The following KIFAP3 variants were observed in gnomAD, a reference collection of about 807,000 sequenced individuals.
KIFAP3 encodes kinesin-associated protein 3.
Under a neutral mutation model 106.5 loss-of-function variants are expected in KIFAP3, and 68 were observed. The ratio of observed to expected loss-of-function variants is 0.64; its 90% CI spans 0.53 to 0.78. The LOEUF (loss-of-function observed/expected upper bound fraction) is 0.78, where lower values mean the gene tolerates loss of function less well. Ranked by LOEUF, KIFAP3 falls within the 30% of genes least tolerant of loss-of-function variation. The pLI is 0.00. For missense variants in KIFAP3, 780 were observed against 941.8 expected (o/e 0.83, Z 2.25); for synonymous variants, 320 against 311.5 (o/e 1.03, Z -0.29).
chr1:170,009,054 T>C (rs1236341074), intron 10 of KIFAP3, among the ~76,000 whole-genome samples: 1 of 151,900 alleles, frequency 6.6e-6, no homozygotes, highest in East Asian at 1.9e-4. Context: ...CACTCATAAG[T>C]GGGAGGTGAA....
At chr1:169,949,019 T>C (rs868687988) in intron 19 of KIFAP3, among the ~76,000 whole-genome samples, 3 of 151,936 alleles carry the variant, frequency 2.0e-5, no homozygotes, top group Non-Finnish European at 4.4e-5. Context: ...AATTCTAGAA[T>C]TAAAAAATCA....
At chr1:169,949,472 C>G (rs1424953395) in intron 19 of KIFAP3, among the ~76,000 whole-genome samples, 1 of 151,776 alleles carries the variant, frequency 6.6e-6, no homozygotes, top group Non-Finnish European at 1.5e-5. Flanking sequence ...AATTGGATTC[C>G]TATAAAAGAA....
intron 7 of KIFAP3, among the ~76,000 whole-genome samples, chr1:170,033,350 C>T (rs1373341772): frequency 6.6e-6 from 1 of 151,162 alleles, no homozygotes; most frequent in Non-Finnish European, 1.5e-5. Context: ...TTCCAGAGGC[C>T]AAAATTAATA....
At chr1:169,963,643 C>T (rs554377622) in intron 17 of KIFAP3, among the ~76,000 whole-genome samples, 1 of 152,148 alleles carries the variant, frequency 6.6e-6, no homozygotes, top group South Asian at 2.1e-4. Flanking sequence ...CAGGTGCCTG[C>T]CACCACCACC....
At chr1:170,050,703 A>G (rs1401062781) in intron 2 of KIFAP3, among the ~76,000 whole-genome samples, 1 of 152,350 alleles carries the variant, frequency 6.6e-6, no homozygotes, top group South Asian at 2.1e-4. Context: ...AATTTTAAGG[A>G]AAATAATTTT....
chr1:170,020,449 C>T (rs1263843909), intron 9 of KIFAP3, among the ~76,000 whole-genome samples: 1 of 151,848 alleles, frequency 6.6e-6, no homozygotes, highest in Non-Finnish European at 1.5e-5. Flanking sequence ...ACATATATGG[C>T]CAAATTTTCT....
chr1:169,933,097 C>G (rs1663583744), intron 19 of KIFAP3, among the ~76,000 whole-genome samples: 1 of 151,914 alleles, frequency 6.6e-6, no homozygotes, highest in Admixed American at 6.6e-5. Context: ...TCTTTTTAAA[C>G]AGCTAAGCAT....
chr1:169,922,731 A>C lies in KIFAP3; in HGVS notation c.2274-950T>G, dbSNP rs938514275. ...TGCTAGTGAGCTTGACTTCCAATCA[A>C]TGGACACCATTTGTAATGCAGAAAT... On this transcript the variant is annotated intron_variant, in intron 19 of 19. Transcript: ENST00000361580. Among the ~76,000 whole-genome samples the C allele has an allele frequency of 2.6e-5, 4 of 152,340 alleles. No homozygotes were observed. The East Asian group carries it at 7.7e-4, about 29-fold the overall frequency.
intron 19 of KIFAP3, among the ~76,000 whole-genome samples, chr1:169,923,591 T>C (rs1157028604): frequency 2.0e-5 from 3 of 152,228 alleles, no homozygotes; most frequent in African/African-American, 7.2e-5. Context: ...GCAGTAGACT[T>C]AGGTTAAACT....
intron 10 of KIFAP3, among the ~76,000 whole-genome samples, chr1:169,999,495 A>G (rs560888807): frequency 6.6e-6 from 1 of 152,358 alleles, no homozygotes; most frequent in South Asian, 2.1e-4. Flanking sequence ...GAAAAGACTG[A>G]GTATCTTGAG....
intron 3 of KIFAP3, among the ~76,000 whole-genome samples, chr1:170,043,707 AG>A (rs1315701857): frequency 6.6e-6 from 1 of 152,212 alleles, no homozygotes; most frequent in Admixed American, 6.5e-5. Context: ...TAATGAATGA[AG>A]AAAACATTGA....
In KIFAP3 at chr1:169,983,286, G is replaced by T. The variant is rs764009762; in HGVS notation, c.1490C>A (p.Thr497Asn). Reference protein sequence around the residue: ...IRNISQHDGPTKNLFIDYVGD... With the variant: ...IRNISQHDGPNKNLFIDYVGD... ...GATACTTACAATAAACAGATTTTTA[G>T]TTGGTCCATCATGCTGAGAAATGTT... The change falls in exon 13 of 20, where the codon ACT becomes AAT. Residue 497 changes from threonine (T) to asparagine (N), a missense_variant. Physicochemically the swap from Thr to Asn is moderately conservative, Grantham distance 65 (BLOSUM62 0). Coordinates refer to ENST00000361580, the MANE Select transcript of KIFAP3 (RefSeq NM_014970.4). 6.3e-7 allele frequency: 1 copy of T among 1,596,850 alleles called. No homozygotes were observed. Among genetic ancestry groups the T allele is most frequent in the Non-Finnish European group, 8.6e-7 (1 of 1,169,588 alleles).
intron 8 of KIFAP3, among the ~76,000 whole-genome samples, chr1:170,029,293 G>A (rs1480352824): frequency 2.0e-5 from 3 of 152,020 alleles, no homozygotes; most frequent in African/African-American, 7.2e-5. Flanking sequence ...ATTATAGTCA[G>A]AGATTTCAAT....
chr1:170,004,945 C>T (rs1259195837), intron 10 of KIFAP3, among the ~76,000 whole-genome samples: 7 of 151,750 alleles, frequency 4.6e-5, no homozygotes, highest in East Asian at 1.9e-4. Flanking sequence ...AGAAAATTTT[C>T]GCAACCTACT....
intron 1 of KIFAP3, among the ~76,000 whole-genome samples, chr1:170,061,691 C>T (rs1048958006): frequency 2.6e-5 from 4 of 152,124 alleles, no homozygotes; most frequent in African/African-American, 9.7e-5. Context: ...ATAAATCATG[C>T]TGCTATAAAG....
At chr1:170,047,858 A>G (rs1037956351) in intron 2 of KIFAP3, among the ~76,000 whole-genome samples, 4 of 152,224 alleles carry the variant, frequency 2.6e-5, no homozygotes, top group African/African-American at 9.6e-5. Context: ...AGGAAGAGAT[A>G]TAAAGACATA....
chr1:170,051,489 T>A (rs981280623), intron 2 of KIFAP3, among the ~76,000 whole-genome samples: 1 of 152,182 alleles, frequency 6.6e-6, no homozygotes, highest in South Asian at 2.1e-4. Flanking sequence ...CTGGATCAAG[T>A]GTACCTAATA....
intron 10 of KIFAP3, among the ~76,000 whole-genome samples, chr1:170,005,823 G>A (rs1313304906): frequency 3.3e-5 from 5 of 150,880 alleles, no homozygotes; most frequent in South Asian, 2.1e-4. Context: ...AAACCTGCAC[G>A]TTGTGCACAT....
At chr1:170,030,506 C>T (rs1270432840) in intron 8 of KIFAP3, among the ~76,000 whole-genome samples, 1 of 151,782 alleles carries the variant, frequency 6.6e-6, no homozygotes, top group Non-Finnish European at 1.5e-5. Flanking sequence ...AAGCGTATGT[C>T]CATACAAAGA....
Sources: allele counts gnomAD v4.1 joint callset (sites outside exome capture counted in the v4.1 genomes callset), GRCh38; gene constraint gnomAD v4.1.1; transcripts MANE v1.5; gene names NCBI Gene and HGNC (gene_info 2026-07-23, HGNC 2026-07-21).